Variants in SORCS2 observed in about 807,000 individuals in gnomAD.
The protein encoded by SORCS2 is VPS10 domain-containing receptor SorCS2.
In SORCS2, 100 loss-of-function variants were observed where a neutral mutation model predicts 141.6. The ratio of observed to expected loss-of-function variants is 0.71; its 90% CI spans 0.60 to 0.83. The LOEUF (loss-of-function observed/expected upper bound fraction) is 0.83, where lower values mean the gene tolerates loss of function less well. Among genes scored for constraint, SORCS2 ranks in the 40% least tolerant of loss-of-function variants. The pLI is 0.00. For missense variants in SORCS2, 1,646 were observed against 1,560.2 expected (o/e 1.05, Z -0.93); for synonymous variants, 789 against 676.9 (o/e 1.17, Z -2.57).
intron 1 of SORCS2, among the ~76,000 whole-genome samples, chr4:7,298,148 G>A (rs1216138066): frequency 2.0e-5 from 3 of 152,180 alleles, no homozygotes; most frequent in East Asian, 1.9e-4. Flanking sequence ...GGAACAGAGC[G>A]TGGCCTTGGA....
Position 7,201,855 on chromosome 4 carries a change from G to A in SORCS2, c.480+8729G>A, listed in dbSNP as rs969937664. Among the ~76,000 whole-genome samples the A allele has an allele frequency of 1.3e-5, 2 of 152,078 alleles. No homozygotes were observed. Among genetic ancestry groups the A allele is most frequent in the African/African-American group, 2.4e-5 (1 of 41,398 alleles). ...GCTGCAGCTGCTGTTCCTGACCGAC[G>A]TCCTCCCCTTTTGGAAGTCCAGGGA... On this transcript the variant is annotated intron_variant, in intron 1 of 26. Coordinates refer to ENST00000507866, the MANE Select transcript of SORCS2 (RefSeq NM_020777.3). The surrounding 1 kb of genome is among the most constrained non-coding windows in gnomAD (Gnocchi z 4.4).
intron 1 of SORCS2, among the ~76,000 whole-genome samples, chr4:7,329,989 G>T (rs780059617): frequency 6.6e-6 from 1 of 152,110 alleles, no homozygotes; most frequent in Non-Finnish European, 1.5e-5. Flanking sequence ...AAGGGACTAA[G>T]CTCAAGGTGT....
intron 14 of SORCS2, among the ~76,000 whole-genome samples, chr4:7,705,756 C>T (rs1725387974): frequency 6.6e-6 from 1 of 152,264 alleles, no homozygotes; most frequent in African/African-American, 2.4e-5. Context: ...GGCCTTCACA[C>T]CCTCGACCCT....
At chr4:7,639,165 A>G (rs1377116382) in intron 4 of SORCS2, among the ~76,000 whole-genome samples, 1 of 152,198 alleles carries the variant, frequency 6.6e-6, no homozygotes, top group Non-Finnish European at 1.5e-5. Context: ...AGCCGTGGGA[A>G]CAAATGGCCA....
chr4:7,358,009 T>G (rs1721357048), intron 1 of SORCS2, among the ~76,000 whole-genome samples: 1 of 152,214 alleles, frequency 6.6e-6, no homozygotes, highest in African/African-American at 2.4e-5. Flanking sequence ...CTGAAAATAT[T>G]TGTGTACCCC....
intron 19 of SORCS2, among the ~76,000 whole-genome samples, chr4:7,724,870 A>AGTGGTGATGGTGGTGGTG (rs1727055930): frequency 1.3e-5 from 1 of 77,520 alleles, no homozygotes; most frequent in Admixed American, 1.2e-4. Context: ...TGGTGGTGGT[A>AGTGGTGATGGTGGTGGTG]GTGGTGATGG....
intron 1 of SORCS2, among the ~76,000 whole-genome samples, chr4:7,324,510 G>T (rs1301714213): frequency 6.6e-6 from 1 of 152,220 alleles, no homozygotes; most frequent in African/African-American, 2.4e-5. Context: ...CGCGGGGTTA[G>T]TCCTTGACAG....
At chr4:7,635,642 C>T (rs996634826) in intron 3 of SORCS2, among the ~76,000 whole-genome samples, 1 of 152,198 alleles carries the variant, frequency 6.6e-6, no homozygotes, top group Non-Finnish European at 1.5e-5. Flanking sequence ...ATAAGCTCCC[C>T]AGTCGTTAGC....
chr4:7,483,755 G>A (rs1267507705), intron 2 of SORCS2, among the ~76,000 whole-genome samples: 1 of 151,996 alleles, frequency 6.6e-6, no homozygotes, highest in African/African-American at 2.4e-5. Context: ...CAGGGGGTGG[G>A]GGGCCAGGGG....
intron 2 of SORCS2, among the ~76,000 whole-genome samples, chr4:7,500,507 G>A (rs1407778164): frequency 1.3e-5 from 2 of 152,160 alleles, no homozygotes; most frequent in Non-Finnish European, 2.9e-5. Context: ...CCTCAGATCT[G>A]AGGAGATAGC....
intron 1 of SORCS2, among the ~76,000 whole-genome samples, chr4:7,282,640 C>G (rs1351718683): frequency 1.3e-5 from 2 of 152,182 alleles, no homozygotes; most frequent in Admixed American, 1.3e-4. Flanking sequence ...CACAGCTGGT[C>G]TTTGGGTGGT....
At chr4:7,697,319 C>T (rs765423221) in intron 12 of SORCS2, 45 bp downstream of exon 12, 132 of 1,496,738 alleles carry the variant, frequency 8.8e-5, no homozygotes, top group Non-Finnish European at 9.5e-5. Flanking sequence ...CCCATCCAGC[C>T]GGGACCCTCA....
At chr4:7,701,713 G>C (rs1725100032) in intron 12 of SORCS2, among the ~76,000 whole-genome samples, 1 of 152,214 alleles carries the variant, frequency 6.6e-6, no homozygotes, top group Non-Finnish European at 1.5e-5. Context: ...TTGCAGTGTG[G>C]ATTCTCAGTC....
intron 25 of SORCS2, among the ~76,000 whole-genome samples, chr4:7,735,028 C>T (rs1020379414): frequency 6.6e-5 from 10 of 152,244 alleles, no homozygotes; most frequent in African/African-American, 2.4e-4. Flanking sequence ...TCCCCCGACG[C>T]TGGGACGCGT....
chr4:7,498,755 G>C (rs1359986445), intron 2 of SORCS2, among the ~76,000 whole-genome samples: 1 of 152,252 alleles, frequency 6.6e-6, no homozygotes, highest in Admixed American at 6.5e-5. Flanking sequence ...GTGCCTACTG[G>C]GTGTCAGGGC....
chr4:7,224,968 G>A (rs1189131060), intron 1 of SORCS2, among the ~76,000 whole-genome samples: 1 of 152,230 alleles, frequency 6.6e-6, no homozygotes, highest in Non-Finnish European at 1.5e-5. Context: ...CTACCTCATG[G>A]AGAGTGATGT....
chr4:7,733,345 G>A lies in SORCS2; in HGVS notation c.3132G>A (p.Val1044=), dbSNP rs1193540802. The A allele has an allele frequency of 6.4e-7, 1 of 1,565,524 alleles. No homozygotes were observed. The highest frequency in any genetic ancestry group is 1.2e-5 in the South Asian group (1 of 84,472). Residue 1044 remains valine (V), a synonymous_variant, in exon 24 of 27, where the codon GTG becomes GTA. Transcript: ENST00000507866. ...AGAGGCTCGCCGCCATCCAGCAGGT[G>A]CTGAACGCACAGAAGATCAGCTTCC... The part of the protein sequence containing the change: ...SDKRLAAIQQ[V]LNAQKISFLL...
intron 1 of SORCS2, among the ~76,000 whole-genome samples, chr4:7,318,079 A>T (rs1260834477): frequency 6.6e-6 from 1 of 152,240 alleles, no homozygotes; most frequent in Non-Finnish European, 1.5e-5. Context: ...GTGATACAGC[A>T]GCAGACATAA....
chr4:7,667,880 C>A (rs1046425823), intron 8 of SORCS2, among the ~76,000 whole-genome samples: 2 of 152,186 alleles, frequency 1.3e-5, no homozygotes, highest in East Asian at 3.9e-4. Flanking sequence ...TTCAGAGAGA[C>A]ACTAACCTGT....
Sources: allele counts gnomAD v4.1 joint callset (sites outside exome capture counted in the v4.1 genomes callset), GRCh38; gene constraint gnomAD v4.1.1; non-coding constraint Gnocchi (gnomAD v3.1); transcripts MANE v1.5; gene names NCBI Gene and HGNC (gene_info 2026-07-23, HGNC 2026-07-21).